L3MBTL4: variants seen among roughly 807,000 people sequenced by gnomAD.
L3MBTL4 encodes lethal(3)malignant brain tumor-like protein 4.
In L3MBTL4, 70 loss-of-function variants were observed where a neutral mutation model predicts 84.5. The ratio of observed to expected loss-of-function variants is 0.83; its 90% CI spans 0.68 to 1.01. The LOEUF is 1.01. Among genes scored for constraint, L3MBTL4 ranks in the 50% least tolerant of loss-of-function variants. The pLI is 0.00. For missense variants in L3MBTL4, 715 were observed against 754.8 expected (o/e 0.95, Z 0.62); for synonymous variants, 274 against 259.8 (o/e 1.05, Z -0.52).
chr18:5,994,333 T>C (rs929864942), intron 16 of L3MBTL4, among the ~76,000 whole-genome samples: 1 of 152,220 alleles, frequency 6.6e-6, no homozygotes, highest in African/African-American at 2.4e-5. Flanking sequence ...TCTGGTTTAA[T>C]GCTTAGCACA....
chr18:5,966,029 CAG>C (rs992890870), intron 17 of L3MBTL4, among the ~76,000 whole-genome samples: 26 of 152,190 alleles, frequency 1.7e-4, no homozygotes, highest in African/African-American at 6.0e-4. Flanking sequence ...GTACCCACAA[CAG>C]AGAACTAAAG....
intron 16 of L3MBTL4, among the ~76,000 whole-genome samples, chr18:6,069,299 G>A (rs1041953877): frequency 4.6e-5 from 7 of 152,170 alleles, no homozygotes; most frequent in East Asian, 3.9e-4. Flanking sequence ...CTTCCTGGGC[G>A]CATTCTACCT....
At chr18:6,014,387 G>C (rs962393385) in intron 16 of L3MBTL4, among the ~76,000 whole-genome samples, 1 of 152,098 alleles carries the variant, frequency 6.6e-6, no homozygotes, top group Non-Finnish European at 1.5e-5. Flanking sequence ...AATTGTTACT[G>C]AGCACACAAT....
intron 12 of L3MBTL4, among the ~76,000 whole-genome samples, chr18:6,211,372 A>G (rs924516593): frequency 6.6e-6 from 1 of 152,204 alleles, no homozygotes. Context: ...GTGCTGGGAT[A>G]AAGATTTCCT....
intron 1 of L3MBTL4, among the ~76,000 whole-genome samples, chr18:6,368,977 G>A (rs1419130644): frequency 2.0e-5 from 3 of 151,776 alleles, no homozygotes; most frequent in African/African-American, 7.3e-5. Flanking sequence ...GGAAGGTGGA[G>A]GCTGCAGTGA....
At chr18:6,377,398 G>A (rs1305956945) in intron 1 of L3MBTL4, among the ~76,000 whole-genome samples, 5 of 152,050 alleles carry the variant, frequency 3.3e-5, no homozygotes, top group East Asian at 3.9e-4. Flanking sequence ...AGGTATACAC[G>A]TGCCATGGTG....
chr18:6,044,918 A>T (rs1411473308), intron 16 of L3MBTL4, among the ~76,000 whole-genome samples: 2 of 152,148 alleles, frequency 1.3e-5, no homozygotes, highest in Non-Finnish European at 2.9e-5. Flanking sequence ...TTTACTTTAC[A>T]TCTCCCCAGA....
chr18:6,291,302 T>G (rs888112403), intron 4 of L3MBTL4, among the ~76,000 whole-genome samples: 1 of 152,180 alleles, frequency 6.6e-6, no homozygotes, highest in Non-Finnish European at 1.5e-5. Flanking sequence ...GACTGTGTAT[T>G]CAAATTGTAC....
intron 11 of L3MBTL4, among the ~76,000 whole-genome samples, chr18:6,213,797 T>C (rs1304598051): frequency 6.6e-6 from 1 of 152,252 alleles, no homozygotes; most frequent in African/African-American, 2.4e-5. Flanking sequence ...AATAATTTTT[T>C]GGCCATTTTA....
intron 16 of L3MBTL4, among the ~76,000 whole-genome samples, chr18:6,059,144 T>C (rs2057124049): frequency 6.6e-6 from 1 of 152,166 alleles, no homozygotes; most frequent in Admixed American, 6.5e-5. Context: ...CTGCATTCTA[T>C]TATAACCAGA....
chr18:6,146,790 G>T (rs1016251380), intron 13 of L3MBTL4, among the ~76,000 whole-genome samples: 3 of 152,160 alleles, frequency 2.0e-5, no homozygotes, highest in Admixed American at 1.3e-4. Context: ...GTAGGGAGGG[G>T]TTTAAATGTG....
chr18:6,267,963 T>C (rs1426899649), intron 4 of L3MBTL4, among the ~76,000 whole-genome samples: 3 of 152,182 alleles, frequency 2.0e-5, no homozygotes, highest in African/African-American at 7.2e-5. Context: ...TTTCTCACCA[T>C]GTTGTTTTAT....
At chr18:6,311,069 C>T (rs150398072) in intron 3 of L3MBTL4, among the ~76,000 whole-genome samples, 324 of 152,272 alleles carry the variant, frequency 2.1e-3, no homozygotes, top group African/African-American at 7.6e-3. Context: ...ATATTTCAGA[C>T]GTGTCAGCCC....
At chr18:6,209,462 C>T (rs985655199) in intron 12 of L3MBTL4, among the ~76,000 whole-genome samples, 1 of 134,182 alleles carries the variant, frequency 7.5e-6, no homozygotes, top group African/African-American at 3.4e-5. Flanking sequence ...AAAAAAAAAG[C>T]CAAAACAAAA....
chr18:6,123,611 T>A (rs964214411), intron 14 of L3MBTL4, among the ~76,000 whole-genome samples: 1 of 152,206 alleles, frequency 6.6e-6, no homozygotes, highest in East Asian at 1.9e-4. Flanking sequence ...TAAACCTCCT[T>A]TTCTTTATAA....
At chr18:6,158,728 A>T (rs753605983) in intron 13 of L3MBTL4, among the ~76,000 whole-genome samples, 1 of 152,218 alleles carries the variant, frequency 6.6e-6, no homozygotes, top group Non-Finnish European at 1.5e-5. Flanking sequence ...CACATGGTAG[A>T]AGGTCAGTGG....
At chr18:5,996,631 G>A (rs1012707669) in intron 16 of L3MBTL4, among the ~76,000 whole-genome samples, 22 of 152,128 alleles carry the variant, frequency 1.4e-4, no homozygotes, top group Non-Finnish European at 2.5e-4. Context: ...TTTTCCGTGG[G>A]AAAAGACTGG....
intron 16 of L3MBTL4, among the ~76,000 whole-genome samples, chr18:5,990,778 T>TGGGG (rs1445865679): frequency 2.0e-5 from 3 of 151,058 alleles, no homozygotes; most frequent in Admixed American, 6.6e-5. Context: ...TGGGTGTGTG[T>TGGGG]GTGTGTGTGT....
chr18:6,335,739 T>C (rs1464333638), intron 1 of L3MBTL4, among the ~76,000 whole-genome samples: 1 of 152,200 alleles, frequency 6.6e-6, no homozygotes, highest in African/African-American at 2.4e-5. Flanking sequence ...GATGGTTTTA[T>C]AAGCATTTGA....
Sources: allele counts gnomAD v4.1 joint callset (sites outside exome capture counted in the v4.1 genomes callset), GRCh38; gene constraint gnomAD v4.1.1; transcripts MANE v1.5; gene names NCBI Gene and HGNC (gene_info 2026-07-23, HGNC 2026-07-21).